Variants in NELL2 observed in about 807,000 individuals in gnomAD.
The protein encoded by NELL2 is protein kinase C-binding protein NELL2.
In NELL2, 41 loss-of-function variants were observed where a neutral mutation model predicts 109.6. That is an observed-to-expected ratio of 0.37 (90% CI 0.29 to 0.49). NELL2 has a LOEUF of 0.49. Among genes scored for constraint, NELL2 ranks in the 20% least tolerant of loss-of-function variants. The probability of loss-of-function intolerance (pLI) is 0.98; values close to 1 mark genes in which losing one functional copy is unlikely to be tolerated. For missense variants in NELL2, 900 were observed against 1,008.3 expected (o/e 0.89, Z 1.45); for synonymous variants, 355 against 344.7 (o/e 1.03, Z -0.33).
intron 15 of NELL2, among the ~76,000 whole-genome samples, chr12:44,587,284 A>AAAAAAAAAAAAAAATATATATATATAT: frequency 4.2e-5 from 3 of 72,214 alleles, no homozygotes; most frequent in African/African-American, 1.5e-4. Flanking sequence ...AAAAAAAAAA[A>AAAAAAAAAAAAAAATATATATATATAT]ATATATATAT....
At chr12:44,795,795 T>C (rs113069681) in intron 3 of NELL2, among the ~76,000 whole-genome samples, 3,442 of 152,282 alleles carry the variant, frequency 0.023, 46 homozygotes, top group Middle Eastern at 0.037. Context: ...CCTCATTTAT[T>C]ATAGAAAATT....
intron 9 of NELL2, among the ~76,000 whole-genome samples, chr12:44,725,996 G>GT (rs965595750): frequency 2.6e-5 from 4 of 151,780 alleles, no homozygotes; most frequent in Admixed American, 1.3e-4. Context: ...ACCCCCAAAC[G>GT]TAAGAAAAAG....
intron 13 of NELL2, among the ~76,000 whole-genome samples, chr12:44,617,691 CA>C (rs975070930): frequency 0.036 from 807 of 22,380 alleles, 6 homozygotes; most frequent in Non-Finnish European, 0.043. Context: ...GACTCCGTCT[CA>C]AAAAAAAAAA....
intron 15 of NELL2, among the ~76,000 whole-genome samples, chr12:44,570,115 A>G (rs2136194304): frequency 6.6e-6 from 1 of 152,342 alleles, no homozygotes; most frequent in African/African-American, 2.4e-5. Flanking sequence ...AATGAAAAGG[A>G]AGCACAATGT....
At chr12:44,607,362 T>C in intron 14 of NELL2, 98 bp from the exon 15 acceptor site, 1 of 816,954 alleles carries the variant, frequency 1.2e-6, no homozygotes, top group African/African-American at 1.8e-5. Flanking sequence ...GATGTAAACA[T>C]CAAATTATAA....
chr12:44,692,076 T>C (rs946153456), intron 12 of NELL2, among the ~76,000 whole-genome samples: 1 of 152,132 alleles, frequency 6.6e-6, no homozygotes, highest in African/African-American at 2.4e-5. Flanking sequence ...AAATGCCATA[T>C]AGAACTTTTA....
intron 9 of NELL2, among the ~76,000 whole-genome samples, chr12:44,722,096 A>G (rs1171983749): frequency 6.6e-6 from 1 of 152,152 alleles, no homozygotes; most frequent in Non-Finnish European, 1.5e-5. Flanking sequence ...GAAAAGGAGT[A>G]AGCAATAAAA....
At chr12:44,732,854 A>C in intron 9 of NELL2, among the ~76,000 whole-genome samples, 1 of 152,014 alleles carries the variant, frequency 6.6e-6, no homozygotes, top group East Asian at 1.9e-4. Flanking sequence ...TCAATGGCAG[A>C]AAAACAAATA....
chr12:44,728,071 C>T (rs1300262756), intron 9 of NELL2, among the ~76,000 whole-genome samples: 2 of 151,768 alleles, frequency 1.3e-5, no homozygotes, highest in Non-Finnish European at 1.5e-5. Context: ...CTATTATATG[C>T]CAGTCAGTGT....
chr12:44,691,516 G>T (rs1170515965), intron 12 of NELL2, among the ~76,000 whole-genome samples: 7 of 152,110 alleles, frequency 4.6e-5, no homozygotes, highest in Admixed American at 4.6e-4. Flanking sequence ...ATTAATAAGT[G>T]TTCAAGTGAG....
At chr12:44,876,416 G>T (rs376609985), upstream of NELL2, 20 of 1,273,132 alleles carry the variant, frequency 1.6e-5, no homozygotes, top group African/African-American at 2.8e-4. Context: ...CGCCGAGGGC[G>T]AGGCCGGCGC....
chr12:44,897,353 G>A (rs2019452), intron 1 of NELL2, among the ~76,000 whole-genome samples: 26,678 of 151,898 alleles, frequency 0.18, 2,648 homozygotes, highest in Middle Eastern at 0.28. Flanking sequence ...GAACAGCTCC[G>A]GTCTACAGCT....
rs201428501 is a variant in NELL2, at chr12:44,563,803, CAGAT to C, written c.1664-31086_1664-31083del. ...ATTTTAGACTTGTTAAATAAATTGA[CAGAT>C]AGGTTTGAAGAAAGAAAAGGTTAAT... On this transcript the variant is annotated intron_variant, in intron 15 of 19. Coordinates refer to ENST00000429094, the MANE Select transcript of NELL2 (RefSeq NM_001145108.2). 6.1e-3 allele frequency among the ~76,000 whole-genome samples: 932 copies of C among 152,234 alleles called. 8 individuals are homozygous for C. Among genetic ancestry groups the C allele is most frequent in the African/African-American group, 0.021 (875 of 41,548 alleles).
In NELL2 at chr12:44,559,188, T is replaced by C. The variant is rs181618828; in HGVS notation, c.1664-26467A>G. 5.6e-4 allele frequency among the ~76,000 whole-genome samples: 85 copies of C among 151,994 alleles called. 1 individual carries two copies. The highest frequency in any genetic ancestry group is 1.6e-3 in the Admixed American group (24 of 15,274). Reference sequence around the variant, plus strand: ...GAGCTCCTGCAGGAAGCAGTAAACATGGAAAGGAAAAACTGGTACCAGCCA... The same window carrying C: ...GAGCTCCTGCAGGAAGCAGTAAACACGGAAAGGAAAAACTGGTACCAGCCA... On this transcript the variant is annotated intron_variant, in intron 15 of 19. Transcript: ENST00000429094.
chr12:44,735,517 G>C (rs1431831123), intron 9 of NELL2, among the ~76,000 whole-genome samples: 1 of 152,104 alleles, frequency 6.6e-6, no homozygotes, highest in Non-Finnish European at 1.5e-5. Context: ...AAGGTATCTG[G>C]TTTTGGAATT....
chr12:44,690,232 A>G (rs2136393402), intron 12 of NELL2, among the ~76,000 whole-genome samples: 1 of 152,272 alleles, frequency 6.6e-6, no homozygotes, highest in African/African-American at 2.4e-5. Flanking sequence ...TAGAAAACCA[A>G]ATTTTATACT....
At chr12:44,567,372 A>G (rs1327558612) in intron 15 of NELL2, among the ~76,000 whole-genome samples, 2 of 152,242 alleles carry the variant, frequency 1.3e-5, no homozygotes, top group Non-Finnish European at 2.9e-5. Context: ...GGAGATACAT[A>G]TACTTAACCT....
chr12:44,762,893 G>C (rs537296556), intron 9 of NELL2, among the ~76,000 whole-genome samples: 5 of 152,104 alleles, frequency 3.3e-5, no homozygotes, highest in South Asian at 4.1e-4. Context: ...AAGATATTTG[G>C]TGGTAAAACA....
rs77088108 is a variant in NELL2, at chr12:44,532,471, C to G, written c.1804+110G>C. ...ACATTTCCAATCACTGTTGTATACA[C>G]ATATAGTAAAAACACTAACATTGGC... is the stretch of plus-strand genomic sequence containing the variant. On this transcript the variant is annotated intron_variant, in intron 16 of 19. Transcript: ENST00000429094. 73 of 1,063,476 alleles carry G rather than the reference C, an allele frequency of 6.9e-5. No homozygotes were observed. In the East Asian group the frequency reaches 1.8e-3, roughly 26 times the overall value. The allele number at this position is 1,063,476 out of a possible 1,614,324, so 65.9% of individuals were successfully genotyped here. A position where few individuals can be genotyped will look rare whatever the true frequency, so the allele number is the denominator to read the frequency against.
Sources: allele counts gnomAD v4.1 joint callset (sites outside exome capture counted in the v4.1 genomes callset), GRCh38; gene constraint gnomAD v4.1.1; transcripts MANE v1.5; gene names NCBI Gene and HGNC (gene_info 2026-07-23, HGNC 2026-07-21).